COX7B2: variants seen among roughly 807,000 people sequenced by gnomAD.
COX7B2 encodes cytochrome c oxidase subunit 7B2.
For missense variants in COX7B2, 109 were observed against 95.9 expected, an observed-to-expected ratio of 1.14 and a Z score of -0.57; for synonymous variants, 37 against 32.1, an observed-to-expected ratio of 1.15 and a Z score of -0.51.
intron 2 of COX7B2, among the ~76,000 whole-genome samples, chr4:46,798,168 T>C (rs1718460360): frequency 6.6e-6 from 1 of 152,194 alleles, no homozygotes; most frequent in Admixed American, 6.5e-5. Flanking sequence ...ACAGGCCTTC[T>C]ACCTCAGTGA....
intron 1 of COX7B2, among the ~76,000 whole-genome samples, chr4:46,875,436 A>G (rs1718260518): frequency 6.6e-6 from 1 of 152,128 alleles, no homozygotes; most frequent in South Asian, 2.1e-4. Flanking sequence ...TTCAATCCTT[A>G]ACATCATAGC....
At chr4:46,891,387 G>C (rs570586511) in intron 1 of COX7B2, among the ~76,000 whole-genome samples, 1 of 152,040 alleles carries the variant, frequency 6.6e-6, no homozygotes, top group Non-Finnish European at 1.5e-5. Flanking sequence ...ACAGAGCCTC[G>C]GGACTTCAAC....
rs190827491 is a variant in COX7B2, at chr4:46,743,671, A to G, written c.-49-8430T>C. On this transcript the variant is annotated intron_variant, in intron 2 of 2. Transcript: ENST00000355591. ...TAACAAAGTCAAATTTTCTTTATTG[A>G]AGTATTTTTCCAACCTCTATTGTGC... Among the ~76,000 whole-genome samples the G allele has an allele frequency of 2.7e-3, 411 of 152,294 alleles. 1 individual carries two copies. The highest frequency in any genetic ancestry group is 9.6e-3 in the African/African-American group (400 of 41,566).
chr4:46,900,588 C>T (rs1339291500), intron 1 of COX7B2, among the ~76,000 whole-genome samples: 1 of 152,142 alleles, frequency 6.6e-6, no homozygotes, highest in Non-Finnish European at 1.5e-5. Flanking sequence ...ACAAATACTG[C>T]TATGATTTGA....
chr4:46,828,566 C>T (rs771129957), intron 2 of COX7B2, among the ~76,000 whole-genome samples: 3 of 151,940 alleles, frequency 2.0e-5, no homozygotes, highest in Admixed American at 6.6e-5. Flanking sequence ...TACTAGGTGC[C>T]AATCATAAGA....
intron 2 of COX7B2, among the ~76,000 whole-genome samples, chr4:46,780,943 A>G (rs1046501908): frequency 6.6e-6 from 1 of 152,224 alleles, no homozygotes; most frequent in Non-Finnish European, 1.5e-5. Flanking sequence ...AATCATTAAC[A>G]TTTATCAAAA....
intron 1 of COX7B2, among the ~76,000 whole-genome samples, chr4:46,857,788 A>G (rs1464386426): frequency 6.6e-6 from 1 of 152,220 alleles, no homozygotes; most frequent in African/African-American, 2.4e-5. Flanking sequence ...TCAGTGAACC[A>G]GTCAATGAAT....
Position 46,744,935 on chromosome 4 carries a change from T to C in COX7B2, c.-49-9694A>G, listed in dbSNP as rs549129399. Among the ~76,000 whole-genome samples the C allele has an allele frequency of 2.0e-3, 301 of 152,106 alleles. 1 individual carries two copies. In the Middle Eastern group the frequency reaches 0.02, roughly 10 times the overall value. ...TTAGTAGAGACGGGGTTTCACTGTGTTGTCCAGGCTGGTTTTGAATTCCTG... is the reference window on the plus strand; with the variant it reads ...TTAGTAGAGACGGGGTTTCACTGTGCTGTCCAGGCTGGTTTTGAATTCCTG... On this transcript the variant is annotated intron_variant, in intron 2 of 2. Transcript: ENST00000355591.
chr4:46,769,139 T>A lies in COX7B2; in HGVS notation c.-49-33898A>T, dbSNP rs190166030. 4.7e-3 allele frequency among the ~76,000 whole-genome samples: 713 copies of A among 151,946 alleles called. 8 individuals carry two copies. Among genetic ancestry groups the A allele is most frequent in the African/African-American group, 0.017 (691 of 41,496 alleles). ...AACTTAAAGTATAATAATAATAAAA[T>A]TTTTTTAAAAAAGAATGTATGTCAA... On this transcript the variant is annotated intron_variant, in intron 2 of 2. Coordinates refer to ENST00000355591, the MANE Select transcript of COX7B2 (RefSeq NM_130902.3).
intron 1 of COX7B2, among the ~76,000 whole-genome samples, chr4:46,890,951 G>T (rs1719396775): frequency 6.6e-6 from 1 of 152,192 alleles, no homozygotes; most frequent in African/African-American, 2.4e-5. Context: ...AAGACGAAAT[G>T]CAAGGGGTTG....
chr4:46,788,559 G>A (rs1024871726), intron 2 of COX7B2, among the ~76,000 whole-genome samples: 1 of 152,082 alleles, frequency 6.6e-6, no homozygotes, highest in Admixed American at 6.5e-5. Context: ...AACATGCTTT[G>A]ACCCAAATGG....
intron 2 of COX7B2, among the ~76,000 whole-genome samples, chr4:46,801,663 G>A (rs1489739962): frequency 2.6e-5 from 4 of 152,024 alleles, no homozygotes; most frequent in Non-Finnish European, 4.4e-5. Context: ...CCAGATCCCA[G>A]CAACATACAA....
At chr4:46,894,752 T>C (rs1020060271) in intron 1 of COX7B2, among the ~76,000 whole-genome samples, 2 of 152,156 alleles carry the variant, frequency 1.3e-5, no homozygotes, top group African/African-American at 4.8e-5. Flanking sequence ...GACAAAGGTC[T>C]AATACCCAGC....
At chr4:46,755,134 T>C (rs1715704006) in intron 2 of COX7B2, among the ~76,000 whole-genome samples, 1 of 151,966 alleles carries the variant, frequency 6.6e-6, no homozygotes, top group South Asian at 2.1e-4. Context: ...TGGTTCAATA[T>C]ACTCATATCA....
chr4:46,905,416 T>A (rs1255498039), intron 1 of COX7B2, among the ~76,000 whole-genome samples: 1 of 152,208 alleles, frequency 6.6e-6, no homozygotes, highest in Non-Finnish European at 1.5e-5. Flanking sequence ...GAACTGAATG[T>A]CATCTAGAGG....
intron 2 of COX7B2, among the ~76,000 whole-genome samples, chr4:46,754,179 G>A (rs1357227785): frequency 6.6e-6 from 1 of 151,998 alleles, no homozygotes; most frequent in Non-Finnish European, 1.5e-5. Context: ...TCTAGAACTA[G>A]AAATACCATT....
At chr4:46,835,724 A>G (rs966939492) in intron 2 of COX7B2, among the ~76,000 whole-genome samples, 1 of 152,174 alleles carries the variant, frequency 6.6e-6, no homozygotes, top group Non-Finnish European at 1.5e-5. Flanking sequence ...AAAAAATATA[A>G]ATAAGTGATG....
intron 2 of COX7B2, among the ~76,000 whole-genome samples, chr4:46,791,942 T>A (rs1216439721): frequency 1.3e-5 from 2 of 152,232 alleles, no homozygotes; most frequent in East Asian, 3.8e-4. Flanking sequence ...TTCTGGGGTT[T>A]ATACCAGTAA....
intron 2 of COX7B2, among the ~76,000 whole-genome samples, chr4:46,763,017 TATATA>T (rs1231371147): frequency 4.4e-4 from 59 of 134,670 alleles, no homozygotes; most frequent in East Asian, 1.4e-3. Flanking sequence ...ATAATTATAA[TATATA>T]ATATAATATA....
Sources: gnomAD v4.1 joint callset for allele counts (sites outside exome capture counted in the v4.1 genomes callset) on GRCh38, gnomAD v4.1.1 for gene constraint, MANE v1.5 for transcripts, NCBI Gene and HGNC (gene_info 2026-07-23, HGNC 2026-07-21) for gene names.